The following ADAMDEC1 variants were observed in gnomAD, a reference collection of about 807,000 sequenced individuals.
The protein encoded by ADAMDEC1 is ADAM like decysin 1.
Under a neutral mutation model 60.4 loss-of-function variants are expected in ADAMDEC1, and 62 were observed. That is an observed-to-expected ratio of 1.03 (90% CI 0.84 to 1.27). The LOEUF (loss-of-function observed/expected upper bound fraction) is 1.27, where lower values mean the gene tolerates loss of function less well. Among genes scored for constraint, ADAMDEC1 ranks in the 50% most tolerant of loss-of-function variants. The probability of loss-of-function intolerance (pLI) is 0.00; values close to 1 mark genes in which losing one functional copy is unlikely to be tolerated. For synonymous variants in ADAMDEC1, 210 were observed against 195.1 expected (o/e 1.08, Z -0.64); for missense variants, 595 against 565.0 (o/e 1.05, Z -0.54).
intron 6 of ADAMDEC1, 63 bp downstream of exon 6, chr8:24,397,519 C>A (rs949408041): frequency 3.2e-5 from 50 of 1,565,194 alleles, no homozygotes; most frequent in Non-Finnish European, 4.3e-5. Flanking sequence ...AGGCAATATA[C>A]TACTATTCTT....
chr8:24,402,210 T>A, intron 12 of ADAMDEC1, 118 bp downstream of exon 12: 1 of 917,246 alleles, frequency 1.1e-6, no homozygotes, highest in South Asian at 2.0e-5. Context: ...AAAAGGAGAT[T>A]TGTGCTTGTG....
intron 5 of ADAMDEC1, among the ~76,000 whole-genome samples, chr8:24,396,122 C>T (rs1243226231): frequency 2.0e-5 from 3 of 152,194 alleles, no homozygotes. Context: ...GCAATGGTCA[C>T]AGTTGAACTT....
intron 12 of ADAMDEC1, among the ~76,000 whole-genome samples, chr8:24,403,637 T>A (rs1457150826): frequency 1.3e-5 from 2 of 152,128 alleles, no homozygotes; most frequent in Admixed American, 1.3e-4. Flanking sequence ...AGGAAATGTA[T>A]ATATAAAGTT....
chr8:24,397,757 A>G lies in ADAMDEC1; in HGVS notation c.690+12A>G. The G allele has an allele frequency of 6.2e-7, 1 of 1,610,686 alleles. No individual in the cohort carries two copies. Among genetic ancestry groups the G allele is most frequent in the Middle Eastern group, 1.7e-4 (1 of 6,046 alleles). On this transcript the variant is annotated intron_variant, in intron 7 of 13. Transcript: ENST00000256412. The stretch of plus-strand genomic sequence containing the variant: ...TGGATAATGCCTTTGTGAGTATGAA[A>G]CACACGGCCCTCTCGGCCAGTTCAG...
chr8:24,394,153 G>C lies in ADAMDEC1; in HGVS notation c.363+6G>C. The C allele has an allele frequency of 6.2e-7, 1 of 1,601,290 alleles. No individual in the cohort carries two copies. Among genetic ancestry groups the C allele is most frequent in the Non-Finnish European group, 8.6e-7 (1 of 1,168,598 alleles). ...CCACGAAACCTGAGAACATGGTAGG[G>C]TCCGAATACTTTGTGGGTCTCTTTT... On this transcript the variant is annotated splice_donor_region_variant and intron_variant, in intron 4 of 13. Coordinates refer to ENST00000256412, the MANE Select transcript of ADAMDEC1 (RefSeq NM_014479.3).
chr8:24,400,972 T>A (rs1334999723), intron 11 of ADAMDEC1, among the ~76,000 whole-genome samples: 1 of 57,474 alleles, frequency 1.7e-5, no homozygotes, highest in South Asian at 7.2e-4. Context: ...GAACTCATCA[T>A]TTTTTTATGG....
In ADAMDEC1 at chr8:24,405,395, T is replaced by C. The variant is rs1459378723; in HGVS notation, c.*97T>C. ...TCTTGTGAATTTTCACCCATAATGGTCTTTCACTTGTCATTCTACTTTCTA... is the reference window on the plus strand; with the variant it reads ...TCTTGTGAATTTTCACCCATAATGGCCTTTCACTTGTCATTCTACTTTCTA... On this transcript the variant is annotated 3_prime_UTR_variant, in exon 14 of 14. Transcript: ENST00000256412. 1 of 1,372,914 alleles carries C rather than the reference T, an allele frequency of 7.3e-7. No homozygotes were observed. Among genetic ancestry groups the C allele is most frequent in the African/African-American group, 1.4e-5 (1 of 69,042 alleles). 85.0% of individuals were successfully genotyped at this position (1,372,914 alleles called of 1,614,324 possible).
chr8:24,393,445 A>G, intron 3 of ADAMDEC1, 107 bp downstream of exon 3: 1 of 691,568 alleles, frequency 1.4e-6, no homozygotes, highest in Non-Finnish European at 2.4e-6. Flanking sequence ...GACATGAGGC[A>G]TTTTGAGCTT....
chr8:24,397,635 T>C lies in ADAMDEC1; in HGVS notation c.628-48T>C, dbSNP rs1817649582. On this transcript the variant is annotated intron_variant, in intron 6 of 13. Transcript: ENST00000256412. ...AGTCTCCTTTTAAGCTTTGGAATCT[T>C]TTAGGATAAAGATAATGATTAACAA... 3 of 1,566,484 alleles carry C rather than the reference T, an allele frequency of 1.9e-6. No individual in the cohort carries two copies. The South Asian group carries it at 3.5e-5, about 18-fold the overall frequency.
At chr8:24,395,663 C>CA (rs1817587091) in intron 4 of ADAMDEC1, 57 bp from the exon 5 acceptor site, 1 of 1,152,984 alleles carries the variant, frequency 8.7e-7, no homozygotes, top group Non-Finnish European at 1.3e-6. Flanking sequence ...TACACACACA[C>CA]TCACATACAC....
In ADAMDEC1 at chr8:24,385,614, G is replaced by C. The variant is rs1025131710; in HGVS notation, c.88+1022G>C. On this transcript the variant is annotated intron_variant, in intron 1 of 13. Transcript: ENST00000256412. ...TATTTCTTATTTAATAACTCTACTA[G>C]ATCTATTTTCTTTTCTAAAACACAC... Among the ~76,000 whole-genome samples the C allele has an allele frequency of 4.6e-5, 7 of 152,158 alleles. No homozygotes were observed. The Middle Eastern group carries it at 0.02, about 444-fold the overall frequency.
chr8:24,398,602 C>T (rs1396001381), intron 8 of ADAMDEC1, 51 bp downstream of exon 8: 3 of 1,287,402 alleles, frequency 2.3e-6, no homozygotes, highest in Admixed American at 2.2e-5. Context: ...GAAGTTCTGC[C>T]TGGAACTTCC....
At chr8:24,385,436 G>T (rs1485010273) in intron 1 of ADAMDEC1, among the ~76,000 whole-genome samples, 2 of 152,070 alleles carry the variant, frequency 1.3e-5, no homozygotes, top group African/African-American at 2.4e-5. Context: ...ATAAAATGGA[G>T]TAATTATTAT....
At chr8:24,390,917 CAG>C (rs961831053) in intron 1 of ADAMDEC1, among the ~76,000 whole-genome samples, 87 of 152,114 alleles carry the variant, frequency 5.7e-4, no homozygotes, top group African/African-American at 2.0e-3. Flanking sequence ...GGTAGGAAAA[CAG>C]ATATTTTGAG....
Position 24,392,274 on chromosome 8 carries a change from A to G in ADAMDEC1, c.101A>G (p.Lys34Arg). 1 of 1,608,392 alleles carries G rather than the reference A, an allele frequency of 6.2e-7. No individual in the cohort carries two copies. Among genetic ancestry groups the G allele is most frequent in the Non-Finnish European group, 8.5e-7 (1 of 1,177,620 alleles). The part of the protein sequence containing the change: ...LIVQTQAIAI[K>R]QTPELTLHEI... ...TCTCTTTCTCTAGCAATAGCCATAA[A>G]GCAAACACCTGAATTAACGCTCCAT... Residue 34 changes from lysine (K) to arginine (R), a missense_variant, in exon 2 of 14, where the codon AAG (lysine) becomes AGG (arginine). Coordinates refer to ENST00000256412, the MANE Select transcript of ADAMDEC1 (RefSeq NM_014479.3).
At chr8:24,385,407 T>C (rs1216059195) in intron 1 of ADAMDEC1, among the ~76,000 whole-genome samples, 1 of 152,096 alleles carries the variant, frequency 6.6e-6, no homozygotes, top group East Asian at 1.9e-4. Flanking sequence ...GCATCACCAA[T>C]ACTATACCCA....
Position 24,397,260 on chromosome 8 carries a change from T to C in ADAMDEC1, c.441-10T>C, listed in dbSNP as rs1817637330. Reference sequence around the variant, plus strand: ...AGGAATCCTGAAATATAAGTCTCTATATCTCCCAGAGGATACTTCACACAT... The same window carrying C: ...AGGAATCCTGAAATATAAGTCTCTACATCTCCCAGAGGATACTTCACACAT... On this transcript the variant is annotated splice_polypyrimidine_tract_variant and intron_variant, in intron 5 of 13. Transcript: ENST00000256412. The C allele has an allele frequency of 1.1e-5, 17 of 1,604,424 alleles. No homozygotes were observed. Among genetic ancestry groups the C allele is most frequent in the Non-Finnish European group, 1.4e-5 (16 of 1,176,260 alleles).
intron 1 of ADAMDEC1, 129 bp downstream of exon 1, chr8:24,384,721 T>A: frequency 3.7e-6 from 3 of 803,774 alleles, no homozygotes; most frequent in Non-Finnish European, 5.7e-6. Context: ...TTTTGGTAGA[T>A]TTTCTACCTC....
chr8:24,397,180 G>T lies in ADAMDEC1; in HGVS notation c.441-90G>T, dbSNP rs1817635452. 5 of 1,224,718 alleles carry T rather than the reference G, an allele frequency of 4.1e-6. No individual in the cohort carries two copies. In the South Asian group the frequency reaches 7.6e-5, roughly 19 times the overall value. The allele number at this position is 1,224,718 out of a possible 1,614,324, so 75.9% of individuals were successfully genotyped here. On this transcript the variant is annotated intron_variant, in intron 5 of 13. Coordinates refer to ENST00000256412, the MANE Select transcript of ADAMDEC1 (RefSeq NM_014479.3). ...AATGACAAGGCTATGTGTGAAATTGGGATGGAGGGGCAGACATCAATCCAT... is the reference window on the plus strand; with the variant it reads ...AATGACAAGGCTATGTGTGAAATTGTGATGGAGGGGCAGACATCAATCCAT...
Sources: gnomAD v4.1 joint callset for allele counts (sites outside exome capture counted in the v4.1 genomes callset) on GRCh38, gnomAD v4.1.1 for gene constraint, MANE v1.5 for transcripts, NCBI Gene and HGNC (gene_info 2026-07-23, HGNC 2026-07-21) for gene names.